Variants in ABCA13 observed in about 807,000 individuals in gnomAD.
The protein encoded by ABCA13 is ATP-binding cassette sub-family A member 13.
A neutral mutation model predicts 478.7 loss-of-function variants in ABCA13; 476 were observed. The observed-to-expected ratio is 0.99, with a 90% confidence interval of 0.92 to 1.07. The LOEUF (loss-of-function observed/expected upper bound fraction) is 1.07, where lower values mean the gene tolerates loss of function less well. Among genes scored for constraint, ABCA13 ranks in the 50% least tolerant of loss-of-function variants. The pLI is 0.00. For missense variants in ABCA13, 6,060 were observed against 5,910.6 expected (o/e 1.03, Z -0.83); for synonymous variants, 2,252 against 2,158.9 (o/e 1.04, Z -1.20).
intron 43 of ABCA13, among the ~76,000 whole-genome samples, chr7:48,462,450 C>G (rs1160964586): frequency 2.7e-5 from 4 of 150,868 alleles, no homozygotes; most frequent in African/African-American, 9.9e-5. Context: ...GATTCCCCCC[C>G]CCCTACTGTT....
chr7:48,584,787 A>G (rs1214563278), intron 56 of ABCA13, among the ~76,000 whole-genome samples: 2 of 152,220 alleles, frequency 1.3e-5, no homozygotes, highest in Non-Finnish European at 2.9e-5. Context: ...CAGACATATG[A>G]CATAGGAACT....
intron 3 of ABCA13, among the ~76,000 whole-genome samples, chr7:48,216,551 C>T (rs1427437514): frequency 2.0e-5 from 3 of 152,034 alleles, no homozygotes; most frequent in Admixed American, 2.0e-4. Flanking sequence ...GTTATCTTTC[C>T]ACTTTATGAT....
intron 45 of ABCA13, among the ~76,000 whole-genome samples, chr7:48,471,816 C>T (rs935338249): frequency 6.6e-5 from 10 of 152,184 alleles, no homozygotes; most frequent in African/African-American, 2.2e-4. Context: ...CCTTCATTGC[C>T]TTCTGCCTTT....
rs1303856508 is a variant in ABCA13 at position 48,478,177 on chromosome 7, GAT to G, written c.12976-2849_12976-2848del. On this transcript the variant is annotated intron_variant, in intron 45 of 61. Transcript: ENST00000435803. ...GTGGTTACAGCATATCATATATCAT[GAT>G]ATATATATAATACATAAAATGATAT... Among the ~76,000 whole-genome samples the G allele has an allele frequency of 1.2e-4, 17 of 147,164 alleles. No homozygotes were observed. In the East Asian group the frequency reaches 1.6e-3, roughly 14 times the overall value.
intron 55 of ABCA13, among the ~76,000 whole-genome samples, chr7:48,569,105 C>T (rs1212043660): frequency 3.3e-5 from 5 of 151,596 alleles, no homozygotes; most frequent in Non-Finnish European, 5.9e-5. Context: ...TTATTTCTTC[C>T]CTATTTTATT....
Position 48,276,366 on chromosome 7 carries a change from AT to A in ABCA13, c.6701del (p.Ile2234LysfsTer2). 6.5e-7 allele frequency: 1 copy of A among 1,548,362 alleles called. No homozygotes were observed. The highest frequency in any genetic ancestry group is 8.7e-7 in the Non-Finnish European group (1 of 1,148,084). ...GAACTTAAATGATACTGACCTTCAA[AT>A]AATGAATTTCATTAACCTTATCTTG... ...AWNLNDTDLQ[I>X]MNFINLILNH... On this transcript the variant is annotated frameshift_variant, in exon 17 of 62. Transcript: ENST00000435803. LOFTEE classifies it high-confidence loss of function.
chr7:48,457,356 C>A (rs960546855), intron 43 of ABCA13, among the ~76,000 whole-genome samples: 1 of 151,936 alleles, frequency 6.6e-6, no homozygotes, highest in Non-Finnish European at 1.5e-5. Flanking sequence ...TCAACTTTAC[C>A]GCTTATCTTT....
chr7:48,563,794 T>TTGTG (rs200813371), intron 55 of ABCA13, among the ~76,000 whole-genome samples: 112 of 101,644 alleles, frequency 1.1e-3, no homozygotes, highest in African/African-American at 5.3e-3. Context: ...TGTTTACTGC[T>TTGTG]TGTGTGTGTG....
intron 4 of ABCA13, among the ~76,000 whole-genome samples, chr7:48,220,673 C>T (rs1467099069): frequency 6.6e-6 from 1 of 152,096 alleles, no homozygotes; most frequent in East Asian, 1.9e-4. Flanking sequence ...TCAAAATAGA[C>T]CAGAATGGTT....
chr7:48,576,395 A>G (rs1475870936), intron 55 of ABCA13, among the ~76,000 whole-genome samples: 5 of 152,188 alleles, frequency 3.3e-5, no homozygotes, highest in African/African-American at 1.2e-4. Context: ...TACCTACAGG[A>G]ACCCTACCAG....
intron 55 of ABCA13, among the ~76,000 whole-genome samples, chr7:48,546,564 CTT>C (rs1365109697): frequency 2.0e-5 from 3 of 146,480 alleles, no homozygotes; most frequent in Non-Finnish European, 1.5e-5. Flanking sequence ...GATATAAACT[CTT>C]AAGACAAAAG....
In ABCA13 at chr7:48,272,093, T is replaced by C; in HGVS notation, c.2427T>C (p.Ser809=). Reference sequence around the variant, plus strand: ...TTTGGAAAATGCAGACTCTCGGAAGTCACTGGATAAGGAAGGAACCAAAAA... The same window carrying C: ...TTTGGAAAATGCAGACTCTCGGAAGCCACTGGATAAGGAAGGAACCAAAAA... The part of the protein sequence containing the change: ...EVIWKMQTLG[S]HWIRKEPKNL... Residue 809 remains serine (S), a synonymous_variant, in exon 17 of 62, where the codon AGT becomes AGC. Coordinates refer to ENST00000435803, the MANE Select transcript of ABCA13 (RefSeq NM_152701.5). The C allele has an allele frequency of 1.2e-6, 2 of 1,613,722 alleles. No homozygotes were observed. The highest frequency in any genetic ancestry group is 1.7e-6 in the Non-Finnish European group (2 of 1,179,760).
intron 52 of ABCA13, among the ~76,000 whole-genome samples, chr7:48,519,160 G>A (rs1209335032): frequency 2.0e-5 from 3 of 152,080 alleles, no homozygotes; most frequent in African/African-American, 7.2e-5. Context: ...CCTTTTTATG[G>A]CTGCATTGTA....
intron 15 of ABCA13, among the ~76,000 whole-genome samples, chr7:48,258,098 A>AT (rs1033936371): frequency 1.3e-5 from 2 of 151,950 alleles, no homozygotes; most frequent in Admixed American, 6.6e-5. Context: ...TTATTTTTAA[A>AT]TTTTTTGTAG....
At chr7:48,482,729 G>T (rs1828902125) in intron 46 of ABCA13, among the ~76,000 whole-genome samples, 1 of 152,074 alleles carries the variant, frequency 6.6e-6, no homozygotes, top group Non-Finnish European at 1.5e-5. Flanking sequence ...TAGAGGGAAT[G>T]ACCATTAATT....
intron 55 of ABCA13, among the ~76,000 whole-genome samples, chr7:48,546,751 T>C (rs1198254572): frequency 6.6e-6 from 1 of 151,726 alleles, no homozygotes; most frequent in African/African-American, 2.4e-5. Flanking sequence ...CTAAGTATTA[T>C]GTATATAATA....
intron 55 of ABCA13, among the ~76,000 whole-genome samples, chr7:48,570,591 G>T (rs1585844226): frequency 6.6e-6 from 1 of 151,700 alleles, no homozygotes; most frequent in Admixed American, 6.6e-5. Flanking sequence ...CCAAAGTGCT[G>T]GTATTACAGG....
At chr7:48,637,653 A>G (rs1201481448) in intron 59 of ABCA13, among the ~76,000 whole-genome samples, 1 of 152,078 alleles carries the variant, frequency 6.6e-6, no homozygotes, top group African/African-American at 2.4e-5. Flanking sequence ...ACGCTCTATC[A>G]TGTTTGTTTA....
rs1794963554 is a variant in ABCA13, at chr7:48,267,068, T to C, written c.2006-1912T>C. Among the ~76,000 whole-genome samples, 2 of 152,024 alleles carry C rather than the reference T, an allele frequency of 1.3e-5. 1 individual carries two copies. The highest frequency in any genetic ancestry group is 4.1e-4 in the South Asian group (2 of 4,830). On this transcript the variant is annotated intron_variant, in intron 15 of 61. Transcript: ENST00000435803. ...TTTGTAGGACTTTAATCCTGTTAAG[T>C]TTATTGGGACTTGCTTTATGGTCTG...
Sources: gnomAD v4.1 joint callset for allele counts (sites outside exome capture counted in the v4.1 genomes callset) on GRCh38, gnomAD v4.1.1 for gene constraint, MANE v1.5 for transcripts, NCBI Gene and HGNC (gene_info 2026-07-23, HGNC 2026-07-21) for gene names.